The following ZNF652 variants were observed in gnomAD, a reference collection of about 807,000 sequenced individuals.
ZNF652 encodes the protein zinc finger protein 652.
In ZNF652, 16 loss-of-function variants were observed where a neutral mutation model predicts 45.2. The observed-to-expected ratio is 0.35, with a 90% CI of 0.24 to 0.54. ZNF652 has a LOEUF of 0.54. ZNF652 is among the 20% of genes least tolerant of loss of function. The probability of loss-of-function intolerance (pLI) is 0.91; values close to 1 mark genes in which losing one functional copy is unlikely to be tolerated. For synonymous variants in ZNF652, 250 were observed against 260.6 expected (o/e 0.96, Z 0.39); for missense variants, 614 against 765.6 (o/e 0.80, Z 2.34).
chr17:49,327,031 C>A (rs1199652337), intron 1 of ZNF652, among the ~76,000 whole-genome samples: 1 of 151,974 alleles, frequency 6.6e-6, no homozygotes, highest in Middle Eastern at 3.2e-3. Context: ...AAAGTTGGGG[C>A]CAAGAAACTG....
intron 1 of ZNF652, among the ~76,000 whole-genome samples, chr17:49,346,045 G>T (rs374538647): frequency 6.6e-6 from 1 of 152,216 alleles, no homozygotes; most frequent in South Asian, 2.1e-4. Context: ...GCCAAGTGCC[G>T]CAGCCACAAC....
At chr17:49,299,422 G>A (rs974181180) in intron 5 of ZNF652, among the ~76,000 whole-genome samples, 1 of 151,882 alleles carries the variant, frequency 6.6e-6, no homozygotes, top group Non-Finnish European at 1.5e-5. Flanking sequence ...CTCCTGTCAC[G>A]CAGGCTACAG....
intron 1 of ZNF652, among the ~76,000 whole-genome samples, chr17:49,327,092 G>A (rs1022058148): frequency 6.6e-6 from 1 of 152,146 alleles, no homozygotes; most frequent in African/African-American, 2.4e-5. Flanking sequence ...TACAAAAAAT[G>A]CATTTGGTAG....
intron 2 of ZNF652, among the ~76,000 whole-genome samples, chr17:49,313,971 C>A (rs1435348220): frequency 1.0e-4 from 1 of 9,680 alleles, no homozygotes; most frequent in Non-Finnish European, 1.9e-4. Context: ...GAAACTCCAT[C>A]TCAAAAAAAA....
intron 1 of ZNF652, among the ~76,000 whole-genome samples, chr17:49,343,538 C>T (rs184709965): frequency 6.6e-6 from 1 of 151,854 alleles, no homozygotes; most frequent in Non-Finnish European, 1.5e-5. Context: ...TATACAATAT[C>T]TTTCTTAATC....
intron 5 of ZNF652, among the ~76,000 whole-genome samples, chr17:49,308,664 C>T (rs866415062): frequency 3.3e-5 from 5 of 151,826 alleles, no homozygotes; most frequent in South Asian, 2.1e-4. Context: ...TAGCCAGGCA[C>T]GGTGGTGCGC....
intron 1 of ZNF652, among the ~76,000 whole-genome samples, chr17:49,349,621 G>C (rs986191736): frequency 1.3e-5 from 2 of 152,160 alleles, no homozygotes; most frequent in African/African-American, 4.8e-5. Flanking sequence ...ATCCTGCAGA[G>C]AAGACTCTTG....
chr17:49,312,908 G>A, intron 2 of ZNF652, 63 bp from the exon 3 acceptor site: 1 of 1,536,496 alleles, frequency 6.5e-7, no homozygotes. Flanking sequence ...CAGCCTACTG[G>A]CAGACCAAAC....
At chr17:49,300,306 G>C (rs1384077770) in intron 5 of ZNF652, among the ~76,000 whole-genome samples, 1 of 152,150 alleles carries the variant, frequency 6.6e-6, no homozygotes, top group African/African-American at 2.4e-5. Context: ...ATTTCCCAAT[G>C]TCCGTGGGTG....
At chr17:49,328,671 T>G (rs1421743138) in intron 1 of ZNF652, among the ~76,000 whole-genome samples, 1 of 152,220 alleles carries the variant, frequency 6.6e-6, no homozygotes, top group Non-Finnish European at 1.5e-5. Flanking sequence ...CATTCTGCCA[T>G]GATTGTACAC....
At chr17:49,299,847 C>G (rs1598280898) in intron 5 of ZNF652, among the ~76,000 whole-genome samples, 1 of 135,436 alleles carries the variant, frequency 7.4e-6, no homozygotes, top group Non-Finnish European at 1.6e-5. Context: ...GCCTGGCTAT[C>G]TTTTTTTTTT....
chr17:49,318,924 T>G (rs1452707153), intron 1 of ZNF652, among the ~76,000 whole-genome samples: 1 of 152,196 alleles, frequency 6.6e-6, no homozygotes, highest in East Asian at 1.9e-4. Flanking sequence ...TTGGAGTAAT[T>G]TCAAAGTTGC....
downstream of ZNF652, among the ~76,000 whole-genome samples, chr17:49,288,786 T>C (rs532669767): frequency 3.3e-5 from 5 of 152,326 alleles, no homozygotes; most frequent in South Asian, 1.0e-3. Context: ...CCAAGTACCA[T>C]ATTTTATAAT....
chr17:49,322,355 A>C (rs2069904243), intron 1 of ZNF652: 3 of 152,262 alleles, frequency 2.0e-5, no homozygotes, highest in African/African-American at 7.2e-5. Flanking sequence ...GAAGACCTCA[A>C]GAAAAAAGCT....
At chr17:49,320,835 C>T (rs543588393) in intron 1 of ZNF652, among the ~76,000 whole-genome samples, 9 of 152,216 alleles carry the variant, frequency 5.9e-5, no homozygotes, top group African/African-American at 2.2e-4. Flanking sequence ...TTCTGGCTCT[C>T]GGCTTTCTGG....
At chr17:49,324,457 C>T (rs977740953) in intron 1 of ZNF652, among the ~76,000 whole-genome samples, 2 of 152,024 alleles carry the variant, frequency 1.3e-5, no homozygotes, top group Non-Finnish European at 2.9e-5. Context: ...GTGGCGTGAT[C>T]TCAGCTCACT....
chr17:49,315,943 C>T lies in ZNF652; in HGVS notation c.900+883G>A, dbSNP rs1179758221. Among the ~76,000 whole-genome samples the T allele has an allele frequency of 2.0e-5, 3 of 152,048 alleles. No individual in the cohort carries two copies. In the East Asian group the frequency reaches 5.8e-4, roughly 29 times the overall value. On this transcript the variant is annotated intron_variant, in intron 2 of 5. Transcript: ENST00000430262. ...GTGACTACCAATATTAGAAGCACAC[C>T]AAAAAACAAACCAAACCAACACAAT...
intron 5 of ZNF652, among the ~76,000 whole-genome samples, chr17:49,306,629 G>C (rs1157273638): frequency 6.6e-6 from 1 of 152,042 alleles, no homozygotes; most frequent in Non-Finnish European, 1.5e-5. Context: ...TATATGTGGA[G>C]GGCATTTCAT....
intron 5 of ZNF652, among the ~76,000 whole-genome samples, chr17:49,300,143 A>G (rs2069532176): frequency 6.6e-6 from 1 of 152,182 alleles, no homozygotes; most frequent in South Asian, 2.1e-4. Context: ...AACCTACAAC[A>G]TGAATTTCAC....
Sources: allele counts gnomAD v4.1 joint callset (sites outside exome capture counted in the v4.1 genomes callset), GRCh38; gene constraint gnomAD v4.1.1; transcripts MANE v1.5; gene names NCBI Gene and HGNC (gene_info 2026-07-23, HGNC 2026-07-21).